IGDCC3: variants seen among roughly 807,000 people sequenced by gnomAD.
The protein encoded by IGDCC3 is putative neuronal cell adhesion molecule.
Under a neutral mutation model 72.0 loss-of-function variants are expected in IGDCC3, and 47 were observed. The ratio of observed to expected loss-of-function variants is 0.65; its 90% CI spans 0.52 to 0.83. The LOEUF is 0.83. Ranked by LOEUF, IGDCC3 falls within the 40% of genes least tolerant of loss-of-function variation. The pLI is 0.00. For synonymous variants in IGDCC3, 477 were observed against 472.8 expected, an observed-to-expected ratio of 1.01 and a Z score of -0.11; for missense variants, 1,038 against 1,091.3, an observed-to-expected ratio of 0.95 and a Z score of 0.69.
Position 65,375,150 on chromosome 15 carries a change from G to C in IGDCC3, c.356C>G (p.Ala119Gly), listed in dbSNP as rs772691749. The change falls in exon 2 of 14, where the codon GCC becomes GGC. Residue 119 changes from alanine to glycine, a missense_variant. By Grantham distance (60) the Ala-to-Gly change is moderately conservative (BLOSUM62 0). Coordinates refer to ENST00000327987, the MANE Select transcript of IGDCC3 (RefSeq NM_004884.4). ...GACCACCAGCCCAAAGCGGTTCTGGGCCACACACTCATAGTCACCTTCATC... is the reference window on the plus strand; with the variant it reads ...GACCACCAGCCCAAAGCGGTTCTGGCCCACACACTCATAGTCACCTTCATC... ...PSDEGDYECV[A>G]QNRFGLVVSR... 32 of 1,614,150 alleles carry C rather than the reference G, an allele frequency of 2.0e-5. No homozygotes were observed. Among genetic ancestry groups the C allele is most frequent in the Non-Finnish European group, 2.7e-5 (32 of 1,180,024 alleles).
At chr15:65,376,827 G>C (rs2091362021) in intron 1 of IGDCC3, among the ~76,000 whole-genome samples, 1 of 152,164 alleles carries the variant, frequency 6.6e-6, no homozygotes, top group South Asian at 2.1e-4. Flanking sequence ...GCCCAGATGA[G>C]TGTCTGTGGG....
In IGDCC3 at chr15:65,329,876, G is replaced by C; in HGVS notation, c.1859-12C>G. On this transcript the variant is annotated splice_polypyrimidine_tract_variant and intron_variant, in intron 11 of 13. Transcript: ENST00000327987. The surrounding 1 kb of genome is among the most constrained non-coding windows in gnomAD (Gnocchi z 4.1). ...TGGTGGGCTCAAGGCTGGGGACAGG[G>C]ACGGGTTGGAGGCTTTGGCTCTCCA... 6.2e-7 allele frequency: 1 copy of C among 1,613,752 alleles called. No homozygotes were observed. The highest frequency in any genetic ancestry group is 1.7e-5 in the Admixed American group (1 of 60,020).
In IGDCC3 at chr15:65,349,941, A is replaced by G. The variant is rs558098065; in HGVS notation, c.410-13985T>C. 2.2e-3 allele frequency among the ~76,000 whole-genome samples: 328 copies of G among 152,284 alleles called. 2 individuals are homozygous for G. Among genetic ancestry groups the G allele is most frequent in the African/African-American group, 7.0e-3 (293 of 41,570 alleles). Reference sequence around the variant, plus strand: ...GTGGTCTGGGTTCAGTTCCCCATCTAGGAAGTAAGTCGTTTATGGTTTAAA... The same window carrying G: ...GTGGTCTGGGTTCAGTTCCCCATCTGGGAAGTAAGTCGTTTATGGTTTAAA... On this transcript the variant is annotated intron_variant, in intron 2 of 13. Transcript: ENST00000327987.
intron 4 of IGDCC3, 21 bp from the exon 5 acceptor site, chr15:65,334,886 A>G (rs371555659): frequency 1.9e-6 from 3 of 1,605,330 alleles, no homozygotes; most frequent in Non-Finnish European, 2.6e-6. Flanking sequence ...GACGCCACAT[A>G]TCCTCACTTC....
At chr15:65,364,048 G>A (rs1334829471) in intron 2 of IGDCC3, among the ~76,000 whole-genome samples, 1 of 152,174 alleles carries the variant, frequency 6.6e-6, no homozygotes, top group Non-Finnish European at 1.5e-5. Flanking sequence ...ACCCAGAAGT[G>A]GCTCCCACCT....
At chr15:65,375,758 T>C (rs2091355266) in intron 1 of IGDCC3, among the ~76,000 whole-genome samples, 1 of 152,204 alleles carries the variant, frequency 6.6e-6, no homozygotes, top group African/African-American at 2.4e-5. Flanking sequence ...CCAATACAGA[T>C]GCTGCTACTT....
chr15:65,329,531 G>C lies in IGDCC3; in HGVS notation c.2064C>G (p.Asp688Glu). Residue 688 changes from aspartate to glutamate, a missense_variant, in exon 13 of 14, where the codon GAC becomes GAG. Asp to Glu is a conservative substitution (Grantham distance 45, BLOSUM62 2). Coordinates refer to ENST00000327987, the MANE Select transcript of IGDCC3 (RefSeq NM_004884.4). This position sits in a 1 kb window ranked among gnomAD's most constrained non-coding sequence, Gnocchi z 4.1. ...SPPQGPRSQRDPGILALNGAR... is the reference protein window; with the variant it reads ...SPPQGPRSQREPGILALNGAR... ...CCCCATTTAGGGCTAGAATGCCAGG[G>C]TCCCTCTGGCTCCGGGGACCCTGTG... 1 of 1,607,346 alleles carries C rather than the reference G, an allele frequency of 6.2e-7. No individual in the cohort carries two copies. Among genetic ancestry groups the C allele is most frequent in the African/African-American group, 1.3e-5 (1 of 74,456 alleles).
At chr15:65,361,593 A>G (rs1173037884) in intron 2 of IGDCC3, among the ~76,000 whole-genome samples, 1 of 147,854 alleles carries the variant, frequency 6.8e-6, no homozygotes, top group Non-Finnish European at 1.5e-5. Context: ...CAGTTTCCAG[A>G]TGAAAATATC....
chr15:65,351,328 A>G (rs924934086), intron 2 of IGDCC3, among the ~76,000 whole-genome samples: 5 of 152,188 alleles, frequency 3.3e-5, no homozygotes, highest in Non-Finnish European at 7.4e-5. Flanking sequence ...CAAGGTCAGG[A>G]GATCGACCAT....
chr15:65,333,197 TG>T, intron 6 of IGDCC3, 59 bp downstream of exon 6: 1 of 1,476,930 alleles, frequency 6.8e-7, no homozygotes, highest in Non-Finnish European at 9.0e-7. Flanking sequence ...GGGCCTGGGC[TG>T]GGAGGAAGGG....
At position 65,348,502 on chromosome 15, in the gene IGDCC3, C is replaced by T. The variant is rs527679238; in HGVS notation, c.410-12546G>A. On this transcript the variant is annotated intron_variant, in intron 2 of 13. Transcript: ENST00000327987. ...TGGAAGGGACGATACCGAGGAGACA[C>T]CCCAACCCAAAGGGAATAGACTGCA... Among the ~76,000 whole-genome samples the T allele has an allele frequency of 9.9e-5, 15 of 152,264 alleles. No individual in the cohort carries two copies. In the East Asian group the frequency reaches 2.5e-3, roughly 25 times the overall value.
chr15:65,347,685 C>T (rs1265573003), intron 2 of IGDCC3, among the ~76,000 whole-genome samples: 2 of 152,140 alleles, frequency 1.3e-5, no homozygotes, highest in African/African-American at 4.8e-5. Context: ...AATCCCAGCA[C>T]TTTGGGAGGC....
At position 65,335,915 on chromosome 15, in the gene IGDCC3, C is replaced by T; in HGVS notation, c.451G>A (p.Glu151Lys). The T allele has an allele frequency of 6.2e-7, 1 of 1,614,172 alleles. No homozygotes were observed. The highest frequency in any genetic ancestry group is 8.5e-7 in the Non-Finnish European group (1 of 1,179,990). ...FHVHPQATVG[E>K]EGGVARFQCQ... is the part of the protein sequence containing the mutation. Reference sequence around the variant, plus strand: ...TGGAAGCGGGCCACACCACCCTCCTCACCCACGGTGGCCTGGGGATGCACG... The same window carrying T: ...TGGAAGCGGGCCACACCACCCTCCTTACCCACGGTGGCCTGGGGATGCACG... The change falls in exon 3 of 14, where the codon GAG becomes AAG. Residue 151 changes from glutamate to lysine, a missense_variant. By Grantham distance (56) the Glu-to-Lys change is moderately conservative (BLOSUM62 1). Coordinates refer to ENST00000327987, the MANE Select transcript of IGDCC3 (RefSeq NM_004884.4).
chr15:65,375,024 G>A, intron 2 of IGDCC3, 73 bp downstream of exon 2: 1 of 1,361,870 alleles, frequency 7.3e-7, no homozygotes. Flanking sequence ...TGCTCCCGCT[G>A]CCCTCATGCC....
intron 2 of IGDCC3, among the ~76,000 whole-genome samples, chr15:65,347,073 C>T (rs1367508437): frequency 6.6e-6 from 1 of 152,296 alleles, no homozygotes; most frequent in East Asian, 1.9e-4. Flanking sequence ...TGTAAACCTG[C>T]CCAGTCCCAC....
Position 65,377,570 on chromosome 15 carries a change from T to C in IGDCC3, c.103+116A>G. On this transcript the variant is annotated intron_variant, in intron 1 of 13. Transcript: ENST00000327987. The surrounding 1 kb of genome is among the most constrained non-coding windows in gnomAD (Gnocchi z 4.9). The stretch of plus-strand genomic sequence containing the variant: ...TCCGCAGGGTCCCCCCCGCGCGGGG[T>C]CCGCCCTCAGGTCCGCGCCGCTCTC... 2 of 1,062,652 alleles carry C rather than the reference T, an allele frequency of 1.9e-6. No individual in the cohort carries two copies. Among genetic ancestry groups the C allele is most frequent in the Non-Finnish European group, 1.2e-6 (1 of 831,854 alleles). The allele number at this position is 1,062,652 out of a possible 1,614,324, so 65.8% of individuals were successfully genotyped here. A position where few individuals can be genotyped will look rare whatever the true frequency, so the allele number is the denominator to read the frequency against.
Position 65,329,713 on chromosome 15 carries a change from G to A in IGDCC3, c.1997+13C>T. On this transcript the variant is annotated intron_variant, in intron 12 of 13. Transcript: ENST00000327987. The surrounding 1 kb of genome is among the most constrained non-coding windows in gnomAD (Gnocchi z 4.1). ...CACACCAGCCCAGCCCCTCTCCCTG[G>A]CCCAGGACCCACCTGCCCCTTTGGC... 1 of 1,613,820 alleles carries A rather than the reference G, an allele frequency of 6.2e-7. No homozygotes were observed. The highest frequency in any genetic ancestry group is 8.5e-7 in the Non-Finnish European group (1 of 1,179,914).
intron 2 of IGDCC3, among the ~76,000 whole-genome samples, chr15:65,350,434 G>A (rs918372074): frequency 1.8e-4 from 26 of 148,212 alleles, no homozygotes; most frequent in African/African-American, 6.2e-4. Flanking sequence ...ACAGGCATAA[G>A]CCACCACGTC....
At position 65,377,699 on chromosome 15, in the gene IGDCC3, G is replaced by T. The variant is rs1445456934; in HGVS notation, c.90C>A (p.Pro30=). 3 of 1,417,436 alleles carry T rather than the reference G, an allele frequency of 2.1e-6. No homozygotes were observed. Among genetic ancestry groups the T allele is most frequent in the East Asian group, 3.0e-5 (1 of 33,154 alleles). 87.8% of individuals were successfully genotyped at this position (1,417,436 alleles called of 1,614,324 possible). A position where few individuals can be genotyped will look rare whatever the true frequency, so the allele number is the denominator to read the frequency against. Residue 30 remains proline, a synonymous_variant, in exon 1 of 14, where the codon CCC becomes CCA. Coordinates refer to ENST00000327987, the MANE Select transcript of IGDCC3 (RefSeq NM_004884.4). The surrounding 1 kb of genome is among the most constrained non-coding windows in gnomAD (Gnocchi z 4.9). ...LLLPLLLLLL[P]APSEGLGHSA... is the part of the protein sequence containing the mutation. ...GCTTTCACTCACCCTCGCTCGGCGC[G>T]GGCAGCAGCAGCAACAGCAGCGGCA... is the stretch of plus-strand genomic sequence containing the variant.
Sources: gnomAD v4.1 joint callset for allele counts (sites outside exome capture counted in the v4.1 genomes callset) on GRCh38, gnomAD v4.1.1 for gene constraint, Gnocchi (gnomAD v3.1) non-coding constraint, MANE v1.5 for transcripts, NCBI Gene and HGNC (gene_info 2026-07-23, HGNC 2026-07-21) for gene names.